Variants in VTI1A observed in about 807,000 individuals in gnomAD.
VTI1A encodes vesicle transport through interaction with t-SNAREs homolog 1A.
A neutral mutation model predicts 34.9 loss-of-function variants in VTI1A; 22 were observed. The ratio of observed to expected loss-of-function variants is 0.63; its 90% CI spans 0.45 to 0.90. The LOEUF is 0.90. VTI1A is among the 40% of genes least tolerant of loss of function. The pLI is 0.00. For missense variants in VTI1A, 268 were observed against 275.6 expected, an observed-to-expected ratio of 0.97 and a Z score of 0.20; for synonymous variants, 87 against 97.3, an observed-to-expected ratio of 0.89 and a Z score of 0.62.
intron 7 of VTI1A, among the ~76,000 whole-genome samples, chr10:112,802,934 A>G (rs1263746497): frequency 6.6e-6 from 1 of 152,220 alleles, no homozygotes; most frequent in Non-Finnish European, 1.5e-5. Flanking sequence ...AGAAAAGAGC[A>G]GCCTCGAAAT....
chr10:112,709,558 C>T (rs1350120783), intron 7 of VTI1A, among the ~76,000 whole-genome samples: 1 of 151,870 alleles, frequency 6.6e-6, no homozygotes, highest in African/African-American at 2.4e-5. Flanking sequence ...CCTGCCTGGA[C>T]ATTTACCTTC....
chr10:112,624,620 C>T (rs1451917501), intron 5 of VTI1A, among the ~76,000 whole-genome samples: 1 of 152,048 alleles, frequency 6.6e-6, no homozygotes, highest in Non-Finnish European at 1.5e-5. Context: ...AGATAAAAAT[C>T]GAAGACACGT....
At chr10:112,847,990 A>C in the VTI1A span, among the ~76,000 whole-genome samples, 1 of 152,200 alleles carries the variant, frequency 6.6e-6, no homozygotes, top group South Asian at 2.1e-4. Flanking sequence ...AGCTAAGCCC[A>C]ATCCAAAATG....
chr10:112,498,982 C>T (rs972537021), intron 3 of VTI1A, among the ~76,000 whole-genome samples: 1 of 152,090 alleles, frequency 6.6e-6, no homozygotes, highest in Non-Finnish European at 1.5e-5. Flanking sequence ...GGGTTGGTAC[C>T]ATCAATCATT....
intron 2 of VTI1A, among the ~76,000 whole-genome samples, chr10:112,462,571 A>G (rs951316965): frequency 4.6e-5 from 7 of 152,240 alleles, no homozygotes; most frequent in Admixed American, 3.3e-4. Context: ...TTTTCTTGCT[A>G]AGTAATGATT....
chr10:112,609,159 G>A (rs1447307256), intron 5 of VTI1A, among the ~76,000 whole-genome samples: 1 of 152,126 alleles, frequency 6.6e-6, no homozygotes, highest in African/African-American at 2.4e-5. Context: ...CTTATACTGT[G>A]CTGCTTAATC....
intron 7 of VTI1A, among the ~76,000 whole-genome samples, chr10:112,760,482 T>C (rs1851425744): frequency 6.6e-6 from 1 of 152,214 alleles, no homozygotes; most frequent in African/African-American, 2.4e-5. Flanking sequence ...CCTGTTCTAT[T>C]CTAAAATGTT....
chr10:112,688,313 T>G (rs1443888925), intron 7 of VTI1A, among the ~76,000 whole-genome samples: 1 of 151,976 alleles, frequency 6.6e-6, no homozygotes, highest in African/African-American at 2.4e-5. Context: ...AAGAAAACTT[T>G]TTTTTAAAGA....
chr10:112,799,940 G>C (rs1852818923), intron 7 of VTI1A, among the ~76,000 whole-genome samples: 1 of 152,008 alleles, frequency 6.6e-6, no homozygotes, highest in Non-Finnish European at 1.5e-5. Flanking sequence ...GAGAGAGAGA[G>C]AGAGAGTTCT....
chr10:112,730,007 C>T (rs1293600144), intron 7 of VTI1A, among the ~76,000 whole-genome samples: 1 of 152,218 alleles, frequency 6.6e-6, no homozygotes, highest in Non-Finnish European at 1.5e-5. Context: ...CCTCTCTCCC[C>T]AGCAGCAACA....
chr10:112,708,447 A>G (rs978286090), intron 7 of VTI1A, among the ~76,000 whole-genome samples: 4 of 152,232 alleles, frequency 2.6e-5, no homozygotes, highest in Non-Finnish European at 5.9e-5. Context: ...GTTTTTTTCA[A>G]ATAAGGTCCC....
intron 2 of VTI1A, among the ~76,000 whole-genome samples, chr10:112,462,159 C>G (rs1330822557): frequency 6.6e-6 from 1 of 152,184 alleles, no homozygotes; most frequent in Non-Finnish European, 1.5e-5. Context: ...CGATACTGCC[C>G]TTTTGATGAG....
At chr10:112,732,889 C>A (rs958578766) in intron 7 of VTI1A, among the ~76,000 whole-genome samples, 3 of 151,354 alleles carry the variant, frequency 2.0e-5, no homozygotes, top group African/African-American at 2.5e-5. Flanking sequence ...ATTGACTGCT[C>A]ACATTACTAG....
chr10:112,742,736 A>G (rs1850736405), intron 7 of VTI1A, among the ~76,000 whole-genome samples: 1 of 152,226 alleles, frequency 6.6e-6, no homozygotes, highest in Non-Finnish European at 1.5e-5. Context: ...CATTTTCACA[A>G]GAAGAAAATG....
chr10:112,569,541 CT>C (rs1331316605), intron 5 of VTI1A, among the ~76,000 whole-genome samples: 1 of 152,206 alleles, frequency 6.6e-6, no homozygotes, highest in Non-Finnish European at 1.5e-5. Context: ...CAGAGGTTGG[CT>C]TTTGCCCTCA....
At chr10:112,659,645 ATAC>A (rs1466922595) in intron 5 of VTI1A, among the ~76,000 whole-genome samples, 6 of 152,242 alleles carry the variant, frequency 3.9e-5, no homozygotes, top group Non-Finnish European at 8.8e-5. Context: ...AATAGAATAC[ATAC>A]TCAGCTACTG....
intron 3 of VTI1A, among the ~76,000 whole-genome samples, chr10:112,526,429 T>C (rs12240720): frequency 0.13 from 20,279 of 152,124 alleles, 1,603 homozygotes; most frequent in East Asian, 0.27. Flanking sequence ...CACACACATG[T>C]ACGCATGCAT....
At chr10:112,589,832 G>T (rs139232360) in intron 5 of VTI1A, among the ~76,000 whole-genome samples, 2 of 152,082 alleles carry the variant, frequency 1.3e-5, no homozygotes, top group African/African-American at 4.8e-5. Context: ...TCTTGATGAG[G>T]AAATTATTAC....
At position 112,486,576 on chromosome 10, in the gene VTI1A, GAC is replaced by G. The variant is rs1564796387; in HGVS notation, c.264+21922_264+21923del. Among the ~76,000 whole-genome samples, 6 of 130,540 alleles carry G rather than the reference GAC, an allele frequency of 4.6e-5. No homozygotes were observed. In the East Asian group the frequency reaches 1.2e-3, roughly 26 times the overall value. 85.6% of individuals were successfully genotyped at this position (130,540 alleles called of 152,430 possible). ...ACTAGCCTTGGAAATCTGAGTTTTC[GAC>G]ACTGTTAAATCCAAGATATTAAGAT... On this transcript the variant is annotated intron_variant, in intron 3 of 7. Transcript: ENST00000393077.
Sources: allele counts gnomAD v4.1 joint callset (sites outside exome capture counted in the v4.1 genomes callset), GRCh38; gene constraint gnomAD v4.1.1; transcripts MANE v1.5; gene names NCBI Gene and HGNC (gene_info 2026-07-23, HGNC 2026-07-21).